The following TSHZ2 variants were observed in gnomAD, a reference collection of about 807,000 sequenced individuals.
TSHZ2 encodes teashirt zinc finger homeobox 2.
Under a neutral mutation model 74.4 loss-of-function variants are expected in TSHZ2, and 21 were observed. The observed-to-expected ratio is 0.28, with a 90% confidence interval of 0.20 to 0.41. The LOEUF is 0.41. TSHZ2 is among the 10% of genes least tolerant of loss of function. The pLI, the probability that TSHZ2 is intolerant of heterozygous loss-of-function variation, is 1.00. For missense variants in TSHZ2, 1,244 were observed against 1,293.5 expected (o/e 0.96, Z 0.59); for synonymous variants, 540 against 515.3 (o/e 1.05, Z -0.65).
At chr20:53,305,835 A>G (rs1393793387) in intron 2 of TSHZ2, among the ~76,000 whole-genome samples, 1 of 152,066 alleles carries the variant, frequency 6.6e-6, no homozygotes, top group African/African-American at 2.4e-5. Context: ...AAAATTAGCC[A>G]GGCATGGCGG....
chr20:53,024,270 G>A (rs901845218), intron 1 of TSHZ2, among the ~76,000 whole-genome samples: 6 of 151,678 alleles, frequency 4.0e-5, no homozygotes, highest in Admixed American at 1.3e-4. Context: ...ACGTTTTCAG[G>A]GGAAACCAAA....
At chr20:53,143,497 T>A (rs1987459835) in intron 1 of TSHZ2, among the ~76,000 whole-genome samples, 1 of 152,034 alleles carries the variant, frequency 6.6e-6, no homozygotes. Context: ...ATCGAGACCA[T>A]CCTGGCTAAC....
intron 2 of TSHZ2, among the ~76,000 whole-genome samples, chr20:53,458,787 A>T (rs1985221408): frequency 6.6e-6 from 1 of 151,966 alleles, no homozygotes; most frequent in African/African-American, 2.4e-5. Flanking sequence ...GGTTTCAAAG[A>T]ACATCTTCAT....
rs553454847 is a variant in TSHZ2 at position 53,062,931 on chromosome 20, A to C, written c.40+89598A>C. On this transcript the variant is annotated intron_variant, in intron 1 of 2. Coordinates refer to ENST00000371497, the MANE Select transcript of TSHZ2 (RefSeq NM_173485.6). ...GCCTCTGCTTTTCACTTGAATACTT[A>C]GAAGCCATGGCAGGGTTATTAATTG... Among the ~76,000 whole-genome samples the C allele has an allele frequency of 3.0e-4, 46 of 152,224 alleles. 1 individual carries two copies.
chr20:53,250,026 C>T (rs975883430), intron 1 of TSHZ2, among the ~76,000 whole-genome samples: 1 of 152,110 alleles, frequency 6.6e-6, no homozygotes, highest in Non-Finnish European at 1.5e-5. Context: ...GTCAGTAGTT[C>T]AGTCAAAGAA....
At position 53,254,361 on chromosome 20, in the gene TSHZ2, A is replaced by T; in HGVS notation, c.903A>T (p.Gln301His). The T allele has an allele frequency of 6.2e-7, 1 of 1,614,184 alleles. No homozygotes were observed. Among genetic ancestry groups the T allele is most frequent in the Non-Finnish European group, 8.5e-7 (1 of 1,180,030 alleles). ...SVHMIKTKHY[Q>H]KVPLKEPVPT... ...ACATGATTAAAACAAAACATTACCA[A>T]AAAGTGCCTTTGAAGGAGCCAGTCC... The change falls in exon 2 of 3, where the codon CAA (glutamine) becomes CAT (histidine). Residue 301 changes from glutamine to histidine, a missense_variant. Gln to His is a conservative substitution (Grantham distance 24, BLOSUM62 0). This residue lies in a region of TSHZ2 where 470 missense variants were observed against 456.5 expected (regional missense o/e 1.03). Transcript: ENST00000371497.
chr20:53,042,068 G>T (rs376082594), intron 1 of TSHZ2, among the ~76,000 whole-genome samples: 2 of 152,040 alleles, frequency 1.3e-5, no homozygotes, highest in African/African-American at 4.8e-5. Flanking sequence ...AAAAACATAT[G>T]CCCATGACAT....
chr20:53,190,129 A>AT (rs1187750796), intron 1 of TSHZ2, among the ~76,000 whole-genome samples: 2 of 87,858 alleles, frequency 2.3e-5, no homozygotes, highest in African/African-American at 9.7e-5. Flanking sequence ...ATATATATAT[A>AT]TATATATATT....
intron 1 of TSHZ2, among the ~76,000 whole-genome samples, chr20:53,044,204 G>A (rs762225017): frequency 6.6e-6 from 1 of 152,228 alleles, no homozygotes; most frequent in Non-Finnish European, 1.5e-5. Flanking sequence ...TGACATTTGT[G>A]ATGCTCCAAC....
chr20:53,363,049 C>T (rs1422528859), intron 2 of TSHZ2, among the ~76,000 whole-genome samples: 2 of 152,208 alleles, frequency 1.3e-5, no homozygotes, highest in Non-Finnish European at 2.9e-5. Flanking sequence ...CAGCCCTTGA[C>T]CAATGGTGCA....
At chr20:53,145,883 T>G (rs928335137) in intron 1 of TSHZ2, among the ~76,000 whole-genome samples, 2 of 152,186 alleles carry the variant, frequency 1.3e-5, no homozygotes, top group Admixed American at 6.5e-5. Context: ...CTAGCACAGT[T>G]GTAATGACTG....
intron 2 of TSHZ2, among the ~76,000 whole-genome samples, chr20:53,325,010 T>A (rs1379879114): frequency 6.6e-6 from 1 of 152,238 alleles, no homozygotes; most frequent in Non-Finnish European, 1.5e-5. Context: ...GCAGAATTCC[T>A]GAGGCCTAAT....
chr20:53,470,735 C>G (rs13433342), intron 2 of TSHZ2, among the ~76,000 whole-genome samples: 29,974 of 151,908 alleles, frequency 0.2, 3,124 homozygotes, highest in African/African-American at 0.27. Context: ...ATCGCTTGAA[C>G]CCGGGAGGCA....
Position 53,454,988 on chromosome 20 carries a change from GT to G in TSHZ2, c.*9-32152del, listed in dbSNP as rs1352647717. Among the ~76,000 whole-genome samples the G allele has an allele frequency of 3.9e-5, 6 of 152,166 alleles. No individual in the cohort carries two copies. In the South Asian group the frequency reaches 1.2e-3, roughly 32 times the overall value. The stretch of plus-strand genomic sequence containing the variant: ...TCTTTCTTACCACTCCCTAATTCCT[GT>G]TTTCCTTCATGTAGTTATATTTCTT... On this transcript the variant is annotated intron_variant, in intron 2 of 2. Coordinates refer to ENST00000371497, the MANE Select transcript of TSHZ2 (RefSeq NM_173485.6).
chr20:53,002,794 G>C (rs924372195), intron 1 of TSHZ2, among the ~76,000 whole-genome samples: 2 of 152,158 alleles, frequency 1.3e-5, no homozygotes, highest in African/African-American at 4.8e-5. Flanking sequence ...ACATTCTCCA[G>C]GTACGACGTG....
chr20:53,090,682 G>T (rs749180809), intron 1 of TSHZ2, among the ~76,000 whole-genome samples: 1 of 152,208 alleles, frequency 6.6e-6, no homozygotes, highest in Non-Finnish European at 1.5e-5. Context: ...GGTGTGCTTT[G>T]AGGTGGCTTC....
At chr20:53,115,869 T>C (rs946204401) in intron 1 of TSHZ2, among the ~76,000 whole-genome samples, 3 of 151,994 alleles carry the variant, frequency 2.0e-5, no homozygotes, top group African/African-American at 7.2e-5. Context: ...GGGATTAAAA[T>C]TAGAAATTAT....
intron 1 of TSHZ2, chr20:53,185,304 C>T: frequency 9.5e-7 from 1 of 1,048,238 alleles, no homozygotes; most frequent in Non-Finnish European, 1.2e-6. Context: ...TAGAACACAC[C>T]CGACATGTAG....
chr20:53,467,650 A>G (rs1985601661), intron 2 of TSHZ2, among the ~76,000 whole-genome samples: 3 of 152,242 alleles, frequency 2.0e-5, no homozygotes, highest in African/African-American at 4.8e-5. Flanking sequence ...AGTAAATGGC[A>G]GAGCCAAACT....
Sources: allele counts gnomAD v4.1 joint callset (sites outside exome capture counted in the v4.1 genomes callset), GRCh38; gene constraint gnomAD v4.1.1; regional missense constraint gnomAD v4.1.1; transcripts MANE v1.5; gene names NCBI Gene and HGNC (gene_info 2026-07-23, HGNC 2026-07-21).